Variants in RYR2 observed in about 807,000 individuals in gnomAD.
RYR2 encodes the protein ryanodine receptor 2.
RYR2 carries 227 observed loss-of-function variants against 601.1 expected under a neutral mutation model. The observed-to-expected ratio is 0.38, with a 90% CI of 0.34 to 0.42. The LOEUF (loss-of-function observed/expected upper bound fraction) is 0.42, where lower values mean the gene tolerates loss of function less well. RYR2 is among the 10% of genes least tolerant of loss of function. The pLI, the probability that RYR2 is intolerant of heterozygous loss-of-function variation, is 1.00. For synonymous variants in RYR2, 2,223 were observed against 2,175.1 expected, an observed-to-expected ratio of 1.02 and a Z score of -0.61; for missense variants, 4,646 against 6,156.5, an observed-to-expected ratio of 0.75 and a Z score of 8.21.
intron 24 of RYR2, among the ~76,000 whole-genome samples, chr1:237,512,102 T>A (rs886653904): frequency 6.6e-6 from 1 of 152,150 alleles, no homozygotes; most frequent in African/African-American, 2.4e-5. Context: ...ATGTGGGCTG[T>A]GGACCGGGAC....
intron 35 of RYR2, among the ~76,000 whole-genome samples, chr1:237,608,914 C>G (rs1326997747): frequency 6.6e-6 from 1 of 150,884 alleles, no homozygotes; most frequent in Non-Finnish European, 1.5e-5. Context: ...TTTTCATTGG[C>G]CGACTAATAG....
intron 27 of RYR2, among the ~76,000 whole-genome samples, chr1:237,556,961 G>A (rs1343054700): frequency 6.6e-6 from 1 of 150,858 alleles, no homozygotes; most frequent in Admixed American, 6.6e-5. Context: ...GTTTCTGTGG[G>A]TTATGAATGT....
At chr1:237,769,823 G>A (rs973551493) in intron 84 of RYR2, among the ~76,000 whole-genome samples, 2 of 150,328 alleles carry the variant, frequency 1.3e-5, no homozygotes, top group African/African-American at 4.9e-5. Context: ...TTAGATTTTG[G>A]AGCAGCTGCT....
At chr1:237,263,816 T>C (rs191344905) in intron 1 of RYR2, among the ~76,000 whole-genome samples, 1 of 152,284 alleles carries the variant, frequency 6.6e-6, no homozygotes, top group African/African-American at 2.4e-5. Flanking sequence ...TGATCACCAT[T>C]AGTAAAAGTG....
chr1:237,175,706 T>G (rs943419428), intron 1 of RYR2, among the ~76,000 whole-genome samples: 1 of 152,060 alleles, frequency 6.6e-6, no homozygotes, highest in Non-Finnish European at 1.5e-5. Flanking sequence ...TCAAGCAGAG[T>G]GCCCTGCTAA....
chr1:237,304,682 T>A (rs530254362), intron 2 of RYR2, among the ~76,000 whole-genome samples: 1 of 152,252 alleles, frequency 6.6e-6, no homozygotes, highest in East Asian at 1.9e-4. Context: ...TAATCTTACA[T>A]ATAGATAGAA....
intron 3 of RYR2, among the ~76,000 whole-genome samples, chr1:237,331,397 A>G (rs150934837): frequency 6.6e-6 from 1 of 152,292 alleles, no homozygotes; most frequent in Non-Finnish European, 1.5e-5. Context: ...GGAAAGTAAA[A>G]TTTCATGGCA....
At chr1:237,370,142 T>C (rs1221365074) in intron 6 of RYR2, among the ~76,000 whole-genome samples, 4 of 151,834 alleles carry the variant, frequency 2.6e-5, no homozygotes, top group Non-Finnish European at 4.4e-5. Flanking sequence ...CACATATATA[T>C]GTGTATATAT....
intron 1 of RYR2, among the ~76,000 whole-genome samples, chr1:237,129,827 G>T (rs1671961458): frequency 6.6e-6 from 1 of 152,032 alleles, no homozygotes; most frequent in African/African-American, 2.4e-5. Context: ...AGAGAAATAA[G>T]CCAAGCATCT....
chr1:237,094,960 C>T (rs1045463863), intron 1 of RYR2, among the ~76,000 whole-genome samples: 1 of 152,144 alleles, frequency 6.6e-6, no homozygotes, highest in African/African-American at 2.4e-5. Flanking sequence ...GATGCCTTGC[C>T]CTGTGCTAAA....
chr1:237,304,259 G>T (rs901842662), intron 2 of RYR2, among the ~76,000 whole-genome samples: 2 of 152,166 alleles, frequency 1.3e-5, no homozygotes, highest in African/African-American at 2.4e-5. Flanking sequence ...TAGAGATCAG[G>T]AGCCCTAGAC....
intron 1 of RYR2, among the ~76,000 whole-genome samples, chr1:237,158,200 A>C (rs987959963): frequency 6.6e-6 from 1 of 152,226 alleles, no homozygotes; most frequent in African/African-American, 2.4e-5. Context: ...TCCCATAGAA[A>C]GTTAATTACC....
chr1:237,101,026 C>A (rs971984449), intron 1 of RYR2, among the ~76,000 whole-genome samples: 1 of 152,056 alleles, frequency 6.6e-6, no homozygotes, highest in South Asian at 2.1e-4. Context: ...TGCTAGGGAC[C>A]ACCAGCTCCC....
At chr1:237,829,902 G>T (rs2102940884) in intron 102 of RYR2, 1 of 152,406 alleles carries the variant, frequency 6.6e-6, no homozygotes, top group East Asian at 1.9e-4. Context: ...AGGGTGCTTA[G>T]GAGAGGCGTG....
chr1:237,813,511 C>T (rs986946656), intron 100 of RYR2, among the ~76,000 whole-genome samples: 5 of 152,150 alleles, frequency 3.3e-5, no homozygotes, highest in African/African-American at 4.8e-5. Flanking sequence ...ATTATGCAGT[C>T]GTCATAGTTG....
chr1:237,278,005 A>G lies in RYR2; in HGVS notation c.168+7389A>G, dbSNP rs183765858. On this transcript the variant is annotated intron_variant, in intron 2 of 104. Transcript: ENST00000366574. ...TAATTTCCTATATGTGTGTTACATCAGTAAATTTTTGAGGATCATAGATTT... is the reference window on the plus strand; with the variant it reads ...TAATTTCCTATATGTGTGTTACATCGGTAAATTTTTGAGGATCATAGATTT... 5.9e-5 allele frequency among the ~76,000 whole-genome samples: 9 copies of G among 152,164 alleles called. No homozygotes were observed. The East Asian group carries it at 1.7e-3, about 29-fold the overall frequency.
chr1:237,422,754 G>A (rs1029995573), intron 11 of RYR2, among the ~76,000 whole-genome samples: 1 of 152,102 alleles, frequency 6.6e-6, no homozygotes, highest in Non-Finnish European at 1.5e-5. Flanking sequence ...TTGCATTAGA[G>A]CTTGACTAAT....
intron 25 of RYR2, among the ~76,000 whole-genome samples, chr1:237,536,365 A>T (rs1190771876): frequency 1.3e-5 from 2 of 152,148 alleles, no homozygotes; most frequent in Non-Finnish European, 2.9e-5. Context: ...AGGTCAGGAG[A>T]TTGAGACCAT....
At chr1:237,074,913 A>G (rs1664815949) in intron 1 of RYR2, among the ~76,000 whole-genome samples, 1 of 152,182 alleles carries the variant, frequency 6.6e-6, no homozygotes. Flanking sequence ...GTGTATGTCT[A>G]GGTAGAAATA....
Sources: allele counts gnomAD v4.1 joint callset (sites outside exome capture counted in the v4.1 genomes callset), GRCh38; gene constraint gnomAD v4.1.1; transcripts MANE v1.5; gene names NCBI Gene and HGNC (gene_info 2026-07-23, HGNC 2026-07-21).